LRRIQ1: variants seen among roughly 807,000 people sequenced by gnomAD.
LRRIQ1 encodes the protein leucine-rich repeat- and IQ domain-containing protein 1.
A neutral mutation model predicts 211.9 loss-of-function variants in LRRIQ1; 210 were observed. The observed-to-expected ratio is 0.99, with a 90% CI of 0.89 to 1.11. The LOEUF is 1.11. Among genes scored for constraint, LRRIQ1 ranks in the 50% most tolerant of loss-of-function variants. The pLI is 0.00. For missense variants in LRRIQ1, 2,136 were observed against 1,939.5 expected (o/e 1.10, Z -1.90); for synonymous variants, 699 against 650.1 (o/e 1.08, Z -1.14).
At chr12:85,045,704 G>A (rs1427818779) in intron 4 of LRRIQ1, among the ~76,000 whole-genome samples, 1 of 151,786 alleles carries the variant, frequency 6.6e-6, no homozygotes, top group African/African-American at 2.4e-5. Flanking sequence ...ATATTAAAAG[G>A]AAAACATTAG....
intron 18 of LRRIQ1, among the ~76,000 whole-genome samples, chr12:85,130,998 T>A (rs1888711185): frequency 6.7e-6 from 1 of 150,310 alleles, no homozygotes; most frequent in African/African-American, 2.5e-5. Flanking sequence ...TCACTTGAGG[T>A]CCAGAGTTCG....
At chr12:85,132,235 A>T (rs1264092714) in intron 18 of LRRIQ1, among the ~76,000 whole-genome samples, 1 of 151,970 alleles carries the variant, frequency 6.6e-6, no homozygotes, top group African/African-American at 2.4e-5. Context: ...TTATGTTGAT[A>T]TTTTAAAAAG....
chr12:85,066,822 G>A lies in LRRIQ1; in HGVS notation c.2619G>A (p.Leu873=). The A allele has an allele frequency of 6.3e-7, 1 of 1,595,918 alleles. No homozygotes were observed. Among genetic ancestry groups the A allele is most frequent in the Non-Finnish European group, 8.6e-7 (1 of 1,168,688 alleles). The stretch of plus-strand genomic sequence containing the variant: ...TTGTTCTTCTTAATAAAAATCAACT[G>A]ACTTCTCTTCATGGTTTGGATGGCT... ...LCVVLLNKNQ[L]TSLHGLDGCT... The change falls in exon 10 of 27, where the codon CTG becomes CTA. Residue 873 remains leucine (L), a synonymous_variant. Transcript: ENST00000393217.
At chr12:85,192,868 T>C (rs183205128) in intron 24 of LRRIQ1, among the ~76,000 whole-genome samples, 902 of 83,468 alleles carry the variant, frequency 0.011, 32 homozygotes, top group African/African-American at 0.049. Flanking sequence ...TAGTTATATA[T>C]TATAATTATA....
At chr12:85,083,423 T>A (rs1396274283) in intron 11 of LRRIQ1, among the ~76,000 whole-genome samples, 1 of 147,824 alleles carries the variant, frequency 6.8e-6, no homozygotes, top group Non-Finnish European at 1.5e-5. Context: ...AAATGGATTA[T>A]TAATTTTTTT....
chr12:85,075,063 A>T, intron 11 of LRRIQ1, among the ~76,000 whole-genome samples: 1 of 152,296 alleles, frequency 6.6e-6, no homozygotes, highest in East Asian at 1.9e-4. Flanking sequence ...GTTATACAGT[A>T]ATAGATAGCT....
intron 24 of LRRIQ1, among the ~76,000 whole-genome samples, chr12:85,177,128 A>G (rs1891746794): frequency 1.3e-5 from 2 of 152,178 alleles, no homozygotes; most frequent in Non-Finnish European, 2.9e-5. Context: ...ATAAAAATGT[A>G]TAAAATCTAC....
At chr12:85,121,927 A>T in intron 16 of LRRIQ1, 51 bp downstream of exon 16, 1 of 1,384,494 alleles carries the variant, frequency 7.2e-7, no homozygotes. Flanking sequence ...AATGTAATTT[A>T]TAAATGTGAT....
intron 15 of LRRIQ1, among the ~76,000 whole-genome samples, chr12:85,110,632 C>T (rs1332136266): frequency 6.6e-6 from 1 of 152,060 alleles, no homozygotes; most frequent in Non-Finnish European, 1.5e-5. Flanking sequence ...GAAAAATCAT[C>T]TCAGTTTAGT....
rs368967936 is a variant in LRRIQ1, at chr12:85,127,917, G to A, written c.4093G>A (p.Ala1365Thr). ...TTTCTCCACAAGGCTACATACTGCT[G>A]CAACAGAAGGCCTGCCAAATTCTTC... ...THFSTRLHTA[A>T]TEGLPNSSIK... The change falls in exon 18 of 27, where the codon GCA becomes ACA. Residue 1365 changes from alanine to threonine, a missense_variant. Ala to Thr is a moderately conservative substitution (Grantham distance 58). Transcript: ENST00000393217. 1 of 1,613,786 alleles carries A rather than the reference G, an allele frequency of 6.2e-7. No individual in the cohort carries two copies. The highest frequency in any genetic ancestry group is 1.3e-5 in the African/African-American group (1 of 74,842).
intron 18 of LRRIQ1, 41 bp from the exon 19 acceptor site, chr12:85,137,809 G>T: frequency 1.3e-6 from 2 of 1,525,842 alleles, no homozygotes; most frequent in South Asian, 1.3e-5. Flanking sequence ...TTTAGGGTTT[G>T]ATCTATAACT....
chr12:85,046,884 G>C (rs1019100018), intron 5 of LRRIQ1, among the ~76,000 whole-genome samples: 2 of 151,786 alleles, frequency 1.3e-5, no homozygotes, highest in African/African-American at 2.4e-5. Context: ...CCATCATTCT[G>C]AGCAAACTAT....
In LRRIQ1 at chr12:85,057,126, C is replaced by T; in HGVS notation, c.2333C>T (p.Thr778Ile). 6.3e-7 allele frequency: 1 copy of T among 1,592,564 alleles called. No individual in the cohort carries two copies. The highest frequency in any genetic ancestry group is 8.5e-7 in the Non-Finnish European group (1 of 1,173,002). The part of the protein sequence containing the change: ...KRPVKCPANM[T>I]PALDKLEILR... Reference sequence around the variant, plus strand: ...CCTGTGAAATGCCCAGCCAACATGACACCCGCTTTGGATAAACTGGAAATT... The same window carrying T: ...CCTGTGAAATGCCCAGCCAACATGATACCCGCTTTGGATAAACTGGAAATT... Residue 778 changes from threonine (T) to isoleucine (I), a missense_variant, in exon 8 of 27, where the codon ACA (threonine) becomes ATA (isoleucine). Thr to Ile is a moderately conservative substitution (Grantham distance 89, BLOSUM62 -1). Transcript: ENST00000393217.
In LRRIQ1 at chr12:85,124,272, C is replaced by T. The variant is rs763243089; in HGVS notation, c.3760C>T (p.Arg1254Cys). 6.8e-6 allele frequency: 11 copies of T among 1,613,932 alleles called. No homozygotes were observed. Among genetic ancestry groups the T allele is most frequent in the African/African-American group, 1.3e-5 (1 of 74,892 alleles). Residue 1254 changes from arginine to cysteine, a missense_variant, in exon 17 of 27, where the codon CGT becomes TGT. By Grantham distance (180) the Arg-to-Cys change is radical. Transcript: ENST00000393217. Reference sequence around the variant, plus strand: ...AAATGGAGTCTTCTACTCTTGTGCACGTGAAGGTGAGCCAGACTCACCAGA... The same window carrying T: ...AAATGGAGTCTTCTACTCTTGTGCATGTGAAGGTGAGCCAGACTCACCAGA... ...LQNGVFYSCA[R>C]EGEPDSPDIP... is the part of the protein sequence containing the mutation.
At chr12:85,085,627 C>T (rs1884739523) in intron 11 of LRRIQ1, among the ~76,000 whole-genome samples, 1 of 152,158 alleles carries the variant, frequency 6.6e-6, no homozygotes, top group Admixed American at 6.6e-5. Context: ...ATTTATTGTT[C>T]CCATCTTTAT....
At chr12:85,069,914 C>A (rs970747465) in intron 10 of LRRIQ1, among the ~76,000 whole-genome samples, 15 of 151,904 alleles carry the variant, frequency 9.9e-5, no homozygotes, top group African/African-American at 3.1e-4. Context: ...ATGGTAGTTT[C>A]TTTTGCTGTG....
chr12:85,106,939 T>C (rs1473485076), intron 15 of LRRIQ1, among the ~76,000 whole-genome samples: 1 of 152,110 alleles, frequency 6.6e-6, no homozygotes, highest in African/African-American at 2.4e-5. Context: ...TTTTTGCCAA[T>C]AATATAATTA....
chr12:85,269,902 G>T, the LRRIQ1 span, among the ~76,000 whole-genome samples: 6 of 152,078 alleles, frequency 3.9e-5, no homozygotes, highest in South Asian at 1.0e-3. Context: ...TGAGATCAGG[G>T]TGTCAGTATT....
intron 24 of LRRIQ1, among the ~76,000 whole-genome samples, chr12:85,190,782 A>G (rs2708500): frequency 0.017 from 2,638 of 152,002 alleles, 75 homozygotes; most frequent in African/African-American, 0.061. Flanking sequence ...TGTAGACACC[A>G]CTGCTGAGCA....
Sources: gnomAD v4.1 joint callset for allele counts (sites outside exome capture counted in the v4.1 genomes callset) on GRCh38, gnomAD v4.1.1 for gene constraint, MANE v1.5 for transcripts, NCBI Gene and HGNC (gene_info 2026-07-23, HGNC 2026-07-21) for gene names.